The following ADCK1 variants were observed in gnomAD, a reference collection of about 807,000 sequenced individuals.
ADCK1 encodes the protein aarF domain-containing protein kinase 1.
ADCK1 carries 41 observed loss-of-function variants against 52.3 expected under a neutral mutation model. That is an observed-to-expected ratio of 0.78 (90% CI 0.61 to 1.02). ADCK1 has a LOEUF of 1.02. Among genes scored for constraint, ADCK1 ranks in the 50% least tolerant of loss-of-function variants. The pLI is 0.00. For synonymous variants in ADCK1, 250 were observed against 274.6 expected (o/e 0.91, Z 0.89); for missense variants, 658 against 679.5 (o/e 0.97, Z 0.35).
At chr14:77,831,066 G>A (rs910780295) in intron 3 of ADCK1, among the ~76,000 whole-genome samples, 1 of 152,138 alleles carries the variant, frequency 6.6e-6, no homozygotes, top group African/African-American at 2.4e-5. Context: ...TGGAGGAGGT[G>A]GGCTTGCTGA....
intron 3 of ADCK1, among the ~76,000 whole-genome samples, chr14:77,836,598 C>T (rs1367301809): frequency 6.6e-6 from 1 of 152,090 alleles, no homozygotes; most frequent in Non-Finnish European, 1.5e-5. Flanking sequence ...TCCTACATTT[C>T]TTAAGGCCAG....
At chr14:77,871,159 G>T (rs564974961) in intron 4 of ADCK1, among the ~76,000 whole-genome samples, 30 of 152,340 alleles carry the variant, frequency 2.0e-4, no homozygotes, top group African/African-American at 6.5e-4. Context: ...GGGATGCTCA[G>T]ATGTTGCCAG....
chr14:77,840,640 G>A (rs1043179173), intron 3 of ADCK1, among the ~76,000 whole-genome samples: 8 of 152,064 alleles, frequency 5.3e-5, no homozygotes, highest in Non-Finnish European at 1.5e-5. Context: ...TTGAGGCCAG[G>A]TGTTCAAGAC....
intron 4 of ADCK1, among the ~76,000 whole-genome samples, chr14:77,868,377 G>C (rs1419873986): frequency 6.6e-6 from 1 of 152,184 alleles, no homozygotes; most frequent in Non-Finnish European, 1.5e-5. Context: ...GCACTCAATC[G>C]AGCAATCGGG....
chr14:77,861,716 GT>G (rs1231104060), intron 4 of ADCK1, among the ~76,000 whole-genome samples: 1 of 152,210 alleles, frequency 6.6e-6, no homozygotes, highest in African/African-American at 2.4e-5. Context: ...CGGTGGTGTG[GT>G]GAGGGAGGTG....
intron 7 of ADCK1, among the ~76,000 whole-genome samples, chr14:77,911,384 T>G (rs2083787935): frequency 6.6e-6 from 1 of 152,196 alleles, no homozygotes. Flanking sequence ...CAATTCTTTT[T>G]GCACCAACCC....
intron 3 of ADCK1, among the ~76,000 whole-genome samples, chr14:77,857,057 C>G (rs1197560122): frequency 6.6e-6 from 1 of 151,696 alleles, no homozygotes; most frequent in South Asian, 2.1e-4. Flanking sequence ...CTGCTAGTGC[C>G]TGGAGTCTGA....
intron 9 of ADCK1, among the ~76,000 whole-genome samples, chr14:77,930,695 G>C (rs1193116222): frequency 2.0e-5 from 3 of 152,158 alleles, no homozygotes; most frequent in Non-Finnish European, 4.4e-5. Context: ...CACCGATAGG[G>C]TTGTTGTGAG....
In ADCK1 at chr14:77,819,104, A is replaced by G; in HGVS notation, c.126A>G (p.Ala42=). The G allele has an allele frequency of 6.3e-7, 1 of 1,588,424 alleles. No homozygotes were observed. Among genetic ancestry groups the G allele is most frequent in the Non-Finnish European group, 8.6e-7 (1 of 1,167,966 alleles). ...TTGGCGCTGTCAGGGTGGGCAGAGC[A>G]GTTGCTACGGTAGGTTTTTCCCTTT... The part of the protein sequence containing the change: ...NDFGAVRVGR[A]VATTAVISYD... Residue 42 remains alanine (A), a synonymous_variant, in exon 2 of 11, where the codon GCA becomes GCG. Transcript: ENST00000238561.
At chr14:77,823,291 C>T (rs2081620032) in intron 3 of ADCK1, among the ~76,000 whole-genome samples, 1 of 152,146 alleles carries the variant, frequency 6.6e-6, no homozygotes, top group Non-Finnish European at 1.5e-5. Context: ...GTCCTCTCAG[C>T]CAGGAATGCA....
At chr14:77,865,594 T>TC (rs1397538516) in intron 4 of ADCK1, among the ~76,000 whole-genome samples, 1 of 152,146 alleles carries the variant, frequency 6.6e-6, no homozygotes, top group Non-Finnish European at 1.5e-5. Context: ...CCATCATGAT[T>TC]CCCTATGTGG....
intron 1 of ADCK1, among the ~76,000 whole-genome samples, chr14:77,809,416 G>A (rs957926533): frequency 2.6e-5 from 4 of 151,994 alleles, no homozygotes; most frequent in Non-Finnish European, 5.9e-5. Context: ...TACAATTACC[G>A]CCTCCCGGGT....
At chr14:77,858,609 G>A (rs2082474667) in intron 3 of ADCK1, among the ~76,000 whole-genome samples, 1 of 152,098 alleles carries the variant, frequency 6.6e-6, no homozygotes, top group Non-Finnish European at 1.5e-5. Context: ...GCTTCCCTGA[G>A]GTGCTGTGAA....
intron 5 of ADCK1, among the ~76,000 whole-genome samples, chr14:77,889,436 T>C (rs1361446186): frequency 6.6e-6 from 1 of 152,220 alleles, no homozygotes; most frequent in African/African-American, 2.4e-5. Flanking sequence ...AAAGCTAAAC[T>C]ATAGAGAAGG....
chr14:77,824,436 CT>C (rs755099441), intron 3 of ADCK1, among the ~76,000 whole-genome samples: 396 of 133,894 alleles, frequency 3.0e-3, no homozygotes, highest in Middle Eastern at 7.5e-3. Context: ...TTCTTTCTTT[CT>C]TTTTTTTTTT....
intron 2 of ADCK1, among the ~76,000 whole-genome samples, chr14:77,819,682 G>A (rs1423065734): frequency 2.0e-5 from 3 of 152,194 alleles, no homozygotes; most frequent in Non-Finnish European, 4.4e-5. Flanking sequence ...CAACAGGAAC[G>A]TCATCCTGGT....
chr14:77,926,224 A>G (rs1247411964), intron 9 of ADCK1, among the ~76,000 whole-genome samples: 3 of 152,214 alleles, frequency 2.0e-5, no homozygotes, highest in Non-Finnish European at 2.9e-5. Context: ...CACATTAACC[A>G]TAATAACTCA....
At chr14:77,931,826 A>C in intron 10 of ADCK1, 115 bp downstream of exon 10, 4 of 1,054,754 alleles carry the variant, frequency 3.8e-6, no homozygotes, top group Non-Finnish European at 4.0e-6. Flanking sequence ...GAGCTTCCCA[A>C]TCTCCAGATA....
chr14:77,849,960 T>C (rs1485940975), intron 3 of ADCK1, among the ~76,000 whole-genome samples: 1 of 152,056 alleles, frequency 6.6e-6, no homozygotes, highest in Non-Finnish European at 1.5e-5. Context: ...GGCAGAAGGA[T>C]CATTTGAGGC....
Sources: gnomAD v4.1 joint callset for allele counts (sites outside exome capture counted in the v4.1 genomes callset) on GRCh38, gnomAD v4.1.1 for gene constraint, MANE v1.5 for transcripts, NCBI Gene and HGNC (gene_info 2026-07-23, HGNC 2026-07-21) for gene names.